Variants in DAB1 observed in about 807,000 individuals in gnomAD.
The protein encoded by DAB1 is disabled homolog 1.
In DAB1, 15 loss-of-function variants were observed where a neutral mutation model predicts 64.6. The ratio of observed to expected loss-of-function variants is 0.23; its 90% CI spans 0.16 to 0.36. DAB1 has a LOEUF of 0.36. DAB1 is among the 10% of genes least tolerant of loss of function. The pLI is 1.00. For synonymous variants in DAB1, 235 were observed against 251.9 expected, an observed-to-expected ratio of 0.93 and a Z score of 0.64; for missense variants, 596 against 706.7, an observed-to-expected ratio of 0.84 and a Z score of 1.78.
intron 2 of DAB1, among the ~76,000 whole-genome samples, chr1:57,164,097 T>G (rs757107905): frequency 2.6e-5 from 4 of 152,108 alleles, no homozygotes; most frequent in Non-Finnish European, 4.4e-5. Context: ...AATATGAGGT[T>G]TGAGGTCTCG....
At chr1:57,143,313 T>TATC (rs1658792193) in intron 3 of DAB1, among the ~76,000 whole-genome samples, 1 of 152,206 alleles carries the variant, frequency 6.6e-6, no homozygotes, top group Admixed American at 6.5e-5. Context: ...GGCCAGCATT[T>TATC]ATCAGTCAGA....
intron 5 of DAB1, among the ~76,000 whole-genome samples, chr1:58,069,464 C>A (rs532425325): frequency 2.0e-5 from 3 of 152,142 alleles, no homozygotes; most frequent in Non-Finnish European, 4.4e-5. Context: ...TTGTACTTTA[C>A]GGCGTACCAA....
At chr1:58,468,842 G>A (rs1645324402) in intron 3 of DAB1, 2 of 177,864 alleles carry the variant, frequency 1.1e-5, no homozygotes, top group Non-Finnish European at 2.2e-5. Context: ...CCATGGGCCT[G>A]AAGGTGTGAC....
At chr1:57,201,229 A>G (rs943774609) in intron 2 of DAB1, among the ~76,000 whole-genome samples, 18 of 152,104 alleles carry the variant, frequency 1.2e-4, no homozygotes, top group Non-Finnish European at 5.9e-5. Flanking sequence ...AGTAGGCAGC[A>G]AGCAAGCATT....
intron 3 of DAB1, among the ~76,000 whole-genome samples, chr1:57,144,021 C>G (rs1658865700): frequency 6.6e-6 from 1 of 151,338 alleles, no homozygotes; most frequent in South Asian, 2.1e-4. Context: ...AATTTTAATT[C>G]CAATTTTATT....
chr1:57,895,959 C>G (rs1469566285), intron 5 of DAB1, among the ~76,000 whole-genome samples: 1 of 152,040 alleles, frequency 6.6e-6, no homozygotes, highest in Non-Finnish European at 1.5e-5. Flanking sequence ...GCATGTGGCT[C>G]TACCAACTAC....
At chr1:58,302,941 T>G (rs1662208186) in intron 4 of DAB1, among the ~76,000 whole-genome samples, 3 of 152,188 alleles carry the variant, frequency 2.0e-5, no homozygotes, top group Admixed American at 6.6e-5. Flanking sequence ...ATGCCAAGTA[T>G]GTTGTCTGTT....
chr1:57,965,507 AT>A (rs1645642914), intron 5 of DAB1, among the ~76,000 whole-genome samples: 1 of 152,238 alleles, frequency 6.6e-6, no homozygotes, highest in African/African-American at 2.4e-5. Flanking sequence ...ATATGCAAAA[AT>A]TCTTAAGAAT....
chr1:57,912,184 G>A (rs867373370), intron 5 of DAB1, among the ~76,000 whole-genome samples: 1 of 152,076 alleles, frequency 6.6e-6, no homozygotes, highest in African/African-American at 2.4e-5. Flanking sequence ...ACTCACAGAG[G>A]CTTTCTGAAT....
At chr1:58,279,420 T>A (rs1161595896) in intron 4 of DAB1, among the ~76,000 whole-genome samples, 2 of 152,210 alleles carry the variant, frequency 1.3e-5, no homozygotes, top group Non-Finnish European at 2.9e-5. Context: ...CTGGTCTCTC[T>A]GGGTGGAAGA....
chr1:58,336,923 C>T (rs765926116), intron 4 of DAB1, among the ~76,000 whole-genome samples: 3 of 152,084 alleles, frequency 2.0e-5, no homozygotes, highest in Non-Finnish European at 4.4e-5. Flanking sequence ...TTATTGAATG[C>T]AGTGCCTAAA....
intron 5 of DAB1, among the ~76,000 whole-genome samples, chr1:57,895,107 A>C (rs1644373887): frequency 6.6e-6 from 1 of 152,012 alleles, no homozygotes; most frequent in Non-Finnish European, 1.5e-5. Context: ...ATAGTGAAGG[A>C]CTGGTTTTCT....
chr1:58,388,480 A>C (rs893039417), intron 3 of DAB1, among the ~76,000 whole-genome samples: 2 of 152,218 alleles, frequency 1.3e-5, no homozygotes, highest in Non-Finnish European at 2.9e-5. Context: ...CTTGATGCTT[A>C]GAAATAAGAC....
chr1:58,005,798 G>A (rs1646574245), intron 5 of DAB1, among the ~76,000 whole-genome samples: 1 of 152,048 alleles, frequency 6.6e-6, no homozygotes, highest in African/African-American at 2.4e-5. Flanking sequence ...AAATTAATTT[G>A]AGGCAAGGCT....
chr1:57,631,781 A>G (rs967498491), intron 7 of DAB1, among the ~76,000 whole-genome samples: 2 of 152,232 alleles, frequency 1.3e-5, no homozygotes, highest in African/African-American at 4.8e-5. Flanking sequence ...AACTGAGAGT[A>G]ACCTGACATT....
chr1:57,249,982 T>C (rs2251472), intron 2 of DAB1, among the ~76,000 whole-genome samples: 89,076 of 152,084 alleles, frequency 0.59, 26,298 homozygotes, highest in Admixed American at 0.66. Context: ...TCTTAAAAGG[T>C]GGTTTTAGAA....
At chr1:57,415,391 G>GA (rs200867835) in intron 1 of DAB1, among the ~76,000 whole-genome samples, 4 of 150,964 alleles carry the variant, frequency 2.6e-5, no homozygotes, top group Middle Eastern at 3.4e-3. Context: ...ATCAGAGTGG[G>GA]AAAAAAAAGG....
chr1:58,390,352 G>A (rs1043278388), intron 3 of DAB1, among the ~76,000 whole-genome samples: 30 of 152,060 alleles, frequency 2.0e-4, no homozygotes. Context: ...TTAGGGCCCT[G>A]CATTGGTTTC....
At chr1:57,617,284 T>A (rs7540610) in intron 7 of DAB1, among the ~76,000 whole-genome samples, 1 of 152,134 alleles carries the variant, frequency 6.6e-6, no homozygotes, top group Non-Finnish European at 1.5e-5. Flanking sequence ...CAACCGCCAG[T>A]GTACGAGAGG....
Sources: gnomAD v4.1 joint callset for allele counts (sites outside exome capture counted in the v4.1 genomes callset) on GRCh38, gnomAD v4.1.1 for gene constraint, MANE v1.5 for transcripts, NCBI Gene and HGNC (gene_info 2026-07-23, HGNC 2026-07-21) for gene names.